USP26: variants seen among roughly 807,000 people sequenced by gnomAD.
USP26 encodes ubiquitin specific peptidase 26.
For synonymous variants in USP26, 236 were observed against 240.6 expected (o/e 0.98, Z 0.18); for missense variants, 649 against 642.3 (o/e 1.01, Z -0.11).
At chrX:133,078,848 G>A (rs1236831181) in intron 5 of USP26, among the ~76,000 whole-genome samples, 2 of 111,738 alleles carry the variant, frequency 1.8e-5, no homozygotes, top group Non-Finnish European at 3.8e-5. Context: ...TGCACAGGAA[G>A]GAACAAATGC....
At position 133,026,956 on chromosome X, in the gene USP26, G is replaced by A. The variant is rs775808012; in HGVS notation, c.1265C>T (p.Ala422Val). ...GEDNFPKQVF[A>V]DDPDTSGFSC... ...AAACCCACTGGTGTCAGGATCATCA[G>A]CAAAAACCTGTTTAGGAAAATTATC... The change falls in exon 6 of 6, where the codon GCT (alanine) becomes GTT (valine). Residue 422 changes from alanine (A) to valine (V), a missense_variant. Physicochemically the swap from Ala to Val is moderately conservative, Grantham distance 64 (BLOSUM62 0). Coordinates refer to ENST00000511190, the MANE Select transcript of USP26 (RefSeq NM_031907.3). 1 of 1,210,995 alleles carries A rather than the reference G, an allele frequency of 8.3e-7. No homozygotes were observed. Among genetic ancestry groups the A allele is most frequent in the Non-Finnish European group, 1.1e-6 (1 of 895,200 alleles).
intron 5 of USP26, among the ~76,000 whole-genome samples, chrX:133,041,157 G>C (rs886324918): frequency 9.0e-6 from 1 of 110,864 alleles, no homozygotes; most frequent in Non-Finnish European, 1.9e-5. Context: ...GCTCAGAGGG[G>C]TTTGTTATTA....
Position 133,026,818 on chromosome X carries a change from A to G in USP26, c.1403T>C (p.Leu468Pro), listed in dbSNP as rs1371298324. Residue 468 changes from leucine (L) to proline (P), a missense_variant, in exon 6 of 6, where the codon CTT becomes CCT. Transcript: ENST00000511190. ...AGGATGTGCTTTTATTCTTTGGGGA[A>G]GGTTGATGGAGAGGTAATTATTCAG... is the stretch of plus-strand genomic sequence containing the variant. ...TELNNYLSIN[L>P]PQRIKAHPSS... 3.3e-6 allele frequency: 4 copies of G among 1,211,237 alleles called. No individual in the cohort carries two copies. In the African/African-American group the frequency reaches 6.9e-5, roughly 21 times the overall value.
intron 5 of USP26, among the ~76,000 whole-genome samples, chrX:133,047,873 G>T (rs763098905): frequency 4.7e-4 from 53 of 111,619 alleles, no homozygotes; most frequent in Non-Finnish European, 9.4e-4. Flanking sequence ...CCAGTCTCCA[G>T]AACTGTGAGA....
rs1480827442 is a variant in USP26 at position 133,057,865 on chromosome X, TA to T, written c.-77+25841del. Among the ~76,000 whole-genome samples the T allele has an allele frequency of 1.9e-3, 46 of 24,557 alleles. 1 individual carries two copies. Among genetic ancestry groups the T allele is most frequent in the East Asian group, 3.0e-3 (3 of 988 alleles). 21.3% of individuals were successfully genotyped at this position (24,557 alleles called of 115,157 possible). On this transcript the variant is annotated intron_variant, in intron 5 of 5. Transcript: ENST00000511190. ...TACATTATATATATATATATATATA[TA>T]TTTTTTTTTTTTTTTTTTTTTTTTT...
rs1321659187 is a variant in USP26 at position 133,086,076 on chromosome X, A to T, written c.-141-2305T>A. ...TGAGCTGCTGGGATAAGATCCAGCCACCTGTGACCGCTTGAAACAGAGTAA... is the reference window on the plus strand; with the variant it reads ...TGAGCTGCTGGGATAAGATCCAGCCTCCTGTGACCGCTTGAAACAGAGTAA... On this transcript the variant is annotated intron_variant, in intron 4 of 5. Coordinates refer to ENST00000511190, the MANE Select transcript of USP26 (RefSeq NM_031907.3). 2.7e-5 allele frequency among the ~76,000 whole-genome samples: 3 copies of T among 111,609 alleles called. No individual in the cohort carries two copies. In the Admixed American group the frequency reaches 2.9e-4, roughly 11 times the overall value.
At chrX:133,075,159 G>A (rs1311784617) in intron 5 of USP26, among the ~76,000 whole-genome samples, 3 of 110,892 alleles carry the variant, frequency 2.7e-5, no homozygotes, top group African/African-American at 9.8e-5. Context: ...TCTTACTCTC[G>A]CTCTATCCTT....
intron 5 of USP26, among the ~76,000 whole-genome samples, chrX:133,074,945 C>T (rs1285254760): frequency 8.9e-6 from 1 of 111,830 alleles, no homozygotes; most frequent in Non-Finnish European, 1.9e-5. Flanking sequence ...GCTATAGTGT[C>T]ACAGATGTAA....
intron 5 of USP26, among the ~76,000 whole-genome samples, chrX:133,067,580 T>C (rs1231002478): frequency 2.7e-5 from 3 of 112,149 alleles, no homozygotes; most frequent in Admixed American, 9.4e-5. Context: ...TGCAGGGACA[T>C]GGATAAAGCT....
Position 133,046,738 on chromosome X carries a change from T to TA in USP26, c.-76-18443dup, listed in dbSNP as rs776686323. ...TGCAGCTCCTGCTTCCTGGAGTCTA[T>TA]AACCCACTGTTTGACAAAAACAGGG... On this transcript the variant is annotated intron_variant, in intron 5 of 5. Transcript: ENST00000511190. Among the ~76,000 whole-genome samples the TA allele has an allele frequency of 1.2e-4, 14 of 112,260 alleles. No individual in the cohort carries two copies. In the South Asian group the frequency reaches 3.4e-3, roughly 27 times the overall value.
At chrX:133,031,577 CA>C (rs201967236) in intron 5 of USP26, among the ~76,000 whole-genome samples, 1 of 110,801 alleles carries the variant, frequency 9.0e-6, no homozygotes, top group Non-Finnish European at 1.9e-5. Flanking sequence ...GGGCACAATA[CA>C]AAAAAACATG....
intron 5 of USP26, among the ~76,000 whole-genome samples, chrX:133,063,885 A>C (rs1382567782): frequency 8.9e-6 from 1 of 112,305 alleles, no homozygotes; most frequent in African/African-American, 3.2e-5. Context: ...AAAAATATCA[A>C]CCTTAAATGT....
intron 5 of USP26, among the ~76,000 whole-genome samples, chrX:133,061,760 C>T (rs1351106220): frequency 1.8e-5 from 2 of 111,655 alleles, no homozygotes; most frequent in Admixed American, 1.9e-4. Context: ...CCAGCCTAGA[C>T]ACTACACTTT....
chrX:133,064,063 A>C (rs2067503495), intron 5 of USP26, among the ~76,000 whole-genome samples: 1 of 112,260 alleles, frequency 8.9e-6, no homozygotes, highest in African/African-American at 3.2e-5. Flanking sequence ...AAGCAAAAAA[A>C]GCAGGGGTTG....
chrX:133,076,245 T>C (rs1025156587), intron 5 of USP26, among the ~76,000 whole-genome samples: 3 of 111,796 alleles, frequency 2.7e-5, no homozygotes, highest in African/African-American at 9.8e-5. Context: ...GCCTTTCATC[T>C]AGCAAGAAAC....
chrX:133,058,710 T>A (rs918562620), intron 5 of USP26, among the ~76,000 whole-genome samples: 2 of 112,278 alleles, frequency 1.8e-5, no homozygotes, highest in African/African-American at 6.5e-5. Flanking sequence ...CAGTCTTTTT[T>A]AATCTACATA....
chrX:133,035,364 G>T (rs985291912), intron 5 of USP26, among the ~76,000 whole-genome samples: 1 of 111,690 alleles, frequency 9.0e-6, no homozygotes, highest in African/African-American at 3.3e-5. Context: ...AGAAAATAAG[G>T]GGGAAATCAC....
chrX:133,042,023 C>A (rs2067421587), intron 5 of USP26, among the ~76,000 whole-genome samples: 1 of 111,850 alleles, frequency 8.9e-6, no homozygotes, highest in Non-Finnish European at 1.9e-5. Flanking sequence ...GTAAAACCGC[C>A]TACTAAAGCC....
At chrX:133,082,603 T>C (rs778525907) in intron 5 of USP26, among the ~76,000 whole-genome samples, 26 of 112,068 alleles carry the variant, frequency 2.3e-4, no homozygotes, top group Admixed American at 9.5e-4. Flanking sequence ...ACACATTTCA[T>C]AGAAGTTTGA....
Sources: allele counts gnomAD v4.1 joint callset (sites outside exome capture counted in the v4.1 genomes callset), GRCh38; gene constraint gnomAD v4.1.1; transcripts MANE v1.5; gene names NCBI Gene and HGNC (gene_info 2026-07-23, HGNC 2026-07-21).